NECAB1: variants seen among roughly 807,000 people sequenced by gnomAD.
The protein encoded by NECAB1 is N-terminal EF-hand calcium binding protein 1.
A neutral mutation model predicts 57.5 loss-of-function variants in NECAB1; 29 were observed. That is an observed-to-expected ratio of 0.50 (90% CI 0.38 to 0.69). NECAB1 has a LOEUF of 0.69. NECAB1 is among the 30% of genes least tolerant of loss of function. The pLI is 0.00. For synonymous variants in NECAB1, 142 were observed against 147.7 expected (o/e 0.96, Z 0.28); for missense variants, 372 against 413.8 (o/e 0.90, Z 0.88).
At chr8:90,907,149 T>TGAGAGAGAGA (rs1178039932) in intron 5 of NECAB1, among the ~76,000 whole-genome samples, 12 of 107,218 alleles carry the variant, frequency 1.1e-4, no homozygotes, top group South Asian at 2.8e-4. Context: ...TGTGTGTGTG[T>TGAGAGAGAGA]GTGAGAGAGA....
At chr8:90,866,714 C>T (rs112454095) in intron 3 of NECAB1, among the ~76,000 whole-genome samples, 30 of 152,194 alleles carry the variant, frequency 2.0e-4, no homozygotes, top group Middle Eastern at 3.4e-3. Flanking sequence ...TACAAATCAA[C>T]GCCAGTTAGA....
At chr8:90,802,378 A>C (rs1811772438) in intron 2 of NECAB1, among the ~76,000 whole-genome samples, 1 of 152,270 alleles carries the variant, frequency 6.6e-6, no homozygotes, top group African/African-American at 2.4e-5. Flanking sequence ...TGTCATAAGC[A>C]GTATCTTTCG....
intron 3 of NECAB1, among the ~76,000 whole-genome samples, chr8:90,857,125 A>T (rs1812808659): frequency 6.6e-6 from 1 of 152,000 alleles, no homozygotes; most frequent in Non-Finnish European, 1.5e-5. Context: ...GCAGGAGTGG[A>T]GGTTTATTTA....
chr8:90,814,989 A>G (rs1812034500), intron 2 of NECAB1, among the ~76,000 whole-genome samples: 2 of 152,174 alleles, frequency 1.3e-5, no homozygotes, highest in African/African-American at 4.8e-5. Context: ...GGGTATCTAT[A>G]CTGAGCTAAA....
chr8:90,930,518 T>G (rs961860063), intron 8 of NECAB1, among the ~76,000 whole-genome samples: 1 of 152,138 alleles, frequency 6.6e-6, no homozygotes, highest in African/African-American at 2.4e-5. Context: ...GGCCAACAGG[T>G]TAAGGTATTT....
At chr8:90,944,822 A>C (rs1418663083) in intron 10 of NECAB1, among the ~76,000 whole-genome samples, 1 of 152,234 alleles carries the variant, frequency 6.6e-6, no homozygotes, top group Non-Finnish European at 1.5e-5. Context: ...ATATGAATGT[A>C]GGATTACATT....
intron 9 of NECAB1, among the ~76,000 whole-genome samples, chr8:90,934,719 C>T (rs533129427): frequency 6.6e-6 from 1 of 152,146 alleles, no homozygotes; most frequent in Non-Finnish European, 1.5e-5. Flanking sequence ...TGAGCGGAAA[C>T]CTGGTTCTGT....
intron 1 of NECAB1, among the ~76,000 whole-genome samples, chr8:90,797,454 A>G (rs1015778292): frequency 6.6e-6 from 1 of 152,236 alleles, no homozygotes; most frequent in Non-Finnish European, 1.5e-5. Flanking sequence ...AGAAAGCAGT[A>G]AAACAGACAA....
intron 12 of NECAB1, among the ~76,000 whole-genome samples, chr8:90,954,169 T>G (rs1310789729): frequency 3.9e-5 from 6 of 152,050 alleles, no homozygotes; most frequent in Middle Eastern, 3.4e-3. Context: ...AAGCAGATAT[T>G]ACATTTAAAA....
chr8:90,867,242 A>G (rs1415115973), intron 3 of NECAB1, among the ~76,000 whole-genome samples: 4 of 152,368 alleles, frequency 2.6e-5, no homozygotes, highest in Non-Finnish European at 2.9e-5. Flanking sequence ...GTTGTATGAT[A>G]TATTCCAAGT....
At chr8:90,874,435 AT>A (rs1808677865) in intron 4 of NECAB1, among the ~76,000 whole-genome samples, 1 of 152,230 alleles carries the variant, frequency 6.6e-6, no homozygotes, top group Non-Finnish European at 1.5e-5. Context: ...TATTTTTAAA[AT>A]TTAACAGAAT....
chr8:90,830,325 A>G (rs930457881), intron 3 of NECAB1, among the ~76,000 whole-genome samples: 1 of 152,048 alleles, frequency 6.6e-6, no homozygotes, highest in Non-Finnish European at 1.5e-5. Flanking sequence ...AAGTTCCTGG[A>G]GAATAGAGCA....
intron 3 of NECAB1, among the ~76,000 whole-genome samples, chr8:90,844,320 C>T (rs1217820264): frequency 6.6e-6 from 1 of 152,142 alleles, no homozygotes; most frequent in South Asian, 2.1e-4. Flanking sequence ...TCTTCTTAAC[C>T]TCCAGCCCTT....
rs138632288 is a variant in NECAB1 at position 90,882,854 on chromosome 8, A to T, written c.357+1724A>T. 3.4e-3 allele frequency among the ~76,000 whole-genome samples: 525 copies of T among 152,216 alleles called. 3 individuals are homozygous for T. The highest frequency in any genetic ancestry group is 0.012 in the African/African-American group (489 of 41,550). On this transcript the variant is annotated intron_variant, in intron 5 of 12. Coordinates refer to ENST00000417640, the MANE Select transcript of NECAB1 (RefSeq NM_022351.5). ...ACCGTGTTTACTCTGAACCTAGCATAGGACCTGACAATTAAAATCATACTC... is the reference window on the plus strand; with the variant it reads ...ACCGTGTTTACTCTGAACCTAGCATTGGACCTGACAATTAAAATCATACTC...
intron 3 of NECAB1, among the ~76,000 whole-genome samples, chr8:90,863,684 C>G (rs549800516): frequency 6.6e-6 from 1 of 152,126 alleles, no homozygotes; most frequent in African/African-American, 2.4e-5. Context: ...TTAATACTTT[C>G]TTTACATTAT....
At chr8:90,916,850 T>C (rs1447944451) in intron 5 of NECAB1, among the ~76,000 whole-genome samples, 2 of 152,186 alleles carry the variant, frequency 1.3e-5, no homozygotes, top group Non-Finnish European at 2.9e-5. Flanking sequence ...AATGCTGCTT[T>C]TGTGGCTCAG....
At position 90,791,895 on chromosome 8, in the gene NECAB1, T is replaced by C; in HGVS notation, c.9T>C (p.Asp3=). The C allele has an allele frequency of 6.4e-7, 1 of 1,551,186 alleles. No individual in the cohort carries two copies. The highest frequency in any genetic ancestry group is 8.7e-7 in the Non-Finnish European group (1 of 1,147,088). The part of the protein sequence containing the change: ME[D]SQETSPSSNN... ...CGTCAGGGCTCCCGAGGATGGAAGATTCCCAGGAGACATCGCCGTCCTCCA... is the reference window on the plus strand; with the variant it reads ...CGTCAGGGCTCCCGAGGATGGAAGACTCCCAGGAGACATCGCCGTCCTCCA... Residue 3 remains aspartate (D), a synonymous_variant, in exon 1 of 13, where the codon GAT becomes GAC. Coordinates refer to ENST00000417640, the MANE Select transcript of NECAB1 (RefSeq NM_022351.5).
intron 6 of NECAB1, among the ~76,000 whole-genome samples, chr8:90,923,173 A>G (rs1294176133): frequency 1.3e-5 from 2 of 152,160 alleles, no homozygotes; most frequent in Admixed American, 1.3e-4. Context: ...TATTGTTGGA[A>G]GCTCCACCCA....
chr8:90,904,462 A>G (rs773496704), intron 5 of NECAB1, among the ~76,000 whole-genome samples: 7 of 152,058 alleles, frequency 4.6e-5, no homozygotes, highest in Non-Finnish European at 8.8e-5. Context: ...TTTAAAAAAT[A>G]CAATAATTGA....
Sources: allele counts gnomAD v4.1 joint callset (sites outside exome capture counted in the v4.1 genomes callset), GRCh38; gene constraint gnomAD v4.1.1; transcripts MANE v1.5; gene names NCBI Gene and HGNC (gene_info 2026-07-23, HGNC 2026-07-21).